CCDC191: variants seen among roughly 807,000 people sequenced by gnomAD.
CCDC191 encodes coiled-coil domain-containing protein 191.
CCDC191 carries 99 observed loss-of-function variants against 114.0 expected under a neutral mutation model. The observed-to-expected ratio is 0.87, with a 90% CI of 0.74 to 1.03. CCDC191 has a LOEUF of 1.03. CCDC191 is among the 50% of genes least tolerant of loss of function. CCDC191 has a pLI of 0.00. For missense variants in CCDC191, 973 were observed against 1,087.0 expected (o/e 0.90, Z 1.47); for synonymous variants, 351 against 376.0 (o/e 0.93, Z 0.77).
intron 6 of CCDC191, among the ~76,000 whole-genome samples, chr3:114,033,144 C>T (rs1318767289): frequency 6.6e-6 from 1 of 150,768 alleles, no homozygotes; most frequent in Non-Finnish European, 1.5e-5. Context: ...GTCACTCAGG[C>T]TGGAGTGCAG....
At chr3:114,018,984 A>T (rs1476844053) in intron 7 of CCDC191, 116 bp from the exon 8 acceptor site, 2 of 860,324 alleles carry the variant, frequency 2.3e-6, no homozygotes, top group Admixed American at 4.7e-5. Flanking sequence ...AAATACAGGA[A>T]CTGTTGTCTT....
At chr3:114,010,541 A>G (rs1246763264) in intron 9 of CCDC191, among the ~76,000 whole-genome samples, 1 of 152,206 alleles carries the variant, frequency 6.6e-6, no homozygotes, top group Non-Finnish European at 1.5e-5. Context: ...GTTGTTTTAA[A>G]TGCCCTTTCG....
chr3:113,965,103 C>T lies in CCDC191; in HGVS notation c.*52G>A. 2 of 1,158,998 alleles carry T rather than the reference C, an allele frequency of 1.7e-6. No homozygotes were observed. The highest frequency in any genetic ancestry group is 1.6e-5 in the South Asian group (1 of 61,702). 71.8% of individuals were successfully genotyped at this position (1,158,998 alleles called of 1,614,324 possible). ...TATGTGTGTGGGTGGGTGGAGATAACACACATACAGACTAGTCGAGCTTCC... is the reference window on the plus strand; with the variant it reads ...TATGTGTGTGGGTGGGTGGAGATAATACACATACAGACTAGTCGAGCTTCC... On this transcript the variant is annotated 3_prime_UTR_variant, in exon 17 of 17. Transcript: ENST00000295878.
intron 7 of CCDC191, among the ~76,000 whole-genome samples, chr3:114,026,564 G>T (rs571557754): frequency 2.0e-5 from 3 of 152,298 alleles, no homozygotes; most frequent in East Asian, 3.9e-4. Flanking sequence ...CTATGTGTCA[G>T]CTCAGAAATG....
intron 9 of CCDC191, among the ~76,000 whole-genome samples, chr3:114,009,282 TA>T (rs2076026337): frequency 6.6e-6 from 1 of 152,172 alleles, no homozygotes. Context: ...AATCCTAGCT[TA>T]CTGTAACTTT....
intron 13 of CCDC191, among the ~76,000 whole-genome samples, chr3:113,982,869 A>AC (rs1475763992): frequency 1.3e-5 from 2 of 149,288 alleles, no homozygotes; most frequent in Non-Finnish European, 2.9e-5. Flanking sequence ...AAAAAAAAAA[A>AC]ACCAAAAATA....
At chr3:114,049,414 G>A (rs992341155) in intron 2 of CCDC191, among the ~76,000 whole-genome samples, 15 of 152,128 alleles carry the variant, frequency 9.9e-5, no homozygotes, top group Non-Finnish European at 4.4e-5. Flanking sequence ...TGTAAATAAC[G>A]TACAAATAAA....
Position 114,005,971 on chromosome 3 carries a change from G to C in CCDC191, c.1414-9C>G. 6.2e-7 allele frequency: 1 copy of C among 1,608,226 alleles called. No individual in the cohort carries two copies. Among genetic ancestry groups the C allele is most frequent in the East Asian group, 2.2e-5 (1 of 44,842 alleles). Reference sequence around the variant, plus strand: ...GGGGGCACAGCAGTCTCCTGAGAGAGAGAAACATGTTATAGCTCAACTATT... The same window carrying C: ...GGGGGCACAGCAGTCTCCTGAGAGACAGAAACATGTTATAGCTCAACTATT... On this transcript the variant is annotated splice_polypyrimidine_tract_variant and intron_variant, in intron 9 of 16. Transcript: ENST00000295878.
At chr3:114,041,287 A>G (rs919724071) in intron 4 of CCDC191, among the ~76,000 whole-genome samples, 2 of 152,200 alleles carry the variant, frequency 1.3e-5, no homozygotes, top group Non-Finnish European at 2.9e-5. Context: ...TGTGGTATAA[A>G]AAAATTGTTG....
At chr3:113,994,072 T>C (rs2075650849) in intron 13 of CCDC191, among the ~76,000 whole-genome samples, 1 of 152,210 alleles carries the variant, frequency 6.6e-6, no homozygotes, top group Non-Finnish European at 1.5e-5. Flanking sequence ...TATTAAAATT[T>C]AACACTTTCC....
intron 2 of CCDC191, among the ~76,000 whole-genome samples, chr3:114,049,906 C>T (rs1425683333): frequency 1.3e-5 from 2 of 152,028 alleles, no homozygotes; most frequent in Non-Finnish European, 2.9e-5. Context: ...TCAGCAAGTC[C>T]TGATTGAAGG....
rs1171169704 is a variant in CCDC191 at position 113,978,873 on chromosome 3, G to T, written c.2445C>A (p.Ile815=). Residue 815 remains isoleucine, a synonymous_variant, in exon 15 of 17, where the codon ATC becomes ATA. Transcript: ENST00000295878. The stretch of plus-strand genomic sequence containing the variant: ...ATGTCCTTACCTGTAGCCAGCTCTG[G>T]ATGACTCTCTTAAGCAGTATTTGGG... ...FYSQILLKRV[I]QSWLQYVIDL... 6.2e-7 allele frequency: 1 copy of T among 1,613,946 alleles called. No homozygotes were observed. Among genetic ancestry groups the T allele is most frequent in the Admixed American group, 1.7e-5 (1 of 59,996 alleles).
At chr3:114,023,510 A>G (rs2076273638) in intron 7 of CCDC191, among the ~76,000 whole-genome samples, 1 of 152,222 alleles carries the variant, frequency 6.6e-6, no homozygotes, top group African/African-American at 2.4e-5. Flanking sequence ...AAACAGAGAT[A>G]TAGACCAATG....
In CCDC191 at chr3:113,992,205, C is replaced by G. The variant is rs374965336; in HGVS notation, c.2163+9390G>C. ...TCACTTTATCTAGGTCACCCCTCCCCCAAGGCAGCATAGTTCAATGCCAAG... is the reference window on the plus strand; with the variant it reads ...TCACTTTATCTAGGTCACCCCTCCCGCAAGGCAGCATAGTTCAATGCCAAG... On this transcript the variant is annotated intron_variant, in intron 13 of 16. Transcript: ENST00000295878. 2.4e-4 allele frequency among the ~76,000 whole-genome samples: 36 copies of G among 152,258 alleles called. 2 individuals carry two copies. The South Asian group carries it at 7.3e-3, about 31-fold the overall frequency.
At chr3:113,999,367 AAGGGAGTT>A (rs1163486673) in intron 13 of CCDC191, among the ~76,000 whole-genome samples, 9 of 152,112 alleles carry the variant, frequency 5.9e-5, no homozygotes, top group Non-Finnish European at 1.3e-4. Context: ...GATGGCAAAG[AAGGGAGTT>A]ATGAGGCTAG....
intron 16 of CCDC191, among the ~76,000 whole-genome samples, chr3:113,966,595 A>G (rs909670421): frequency 6.6e-6 from 1 of 152,216 alleles, no homozygotes; most frequent in African/African-American, 2.4e-5. Flanking sequence ...CGAGAATAGC[A>G]TGCCGTGGTG....
chr3:114,030,084 AT>A (rs2076383163), intron 7 of CCDC191, among the ~76,000 whole-genome samples: 1 of 152,202 alleles, frequency 6.6e-6, no homozygotes, highest in African/African-American at 2.4e-5. Flanking sequence ...TAATTATACT[AT>A]GCTTATGTAA....
intron 15 of CCDC191, 113 bp downstream of exon 15, chr3:113,978,745 T>C (rs2075028463): frequency 3.5e-6 from 4 of 1,141,742 alleles, no homozygotes; most frequent in Non-Finnish European, 5.0e-6. Context: ...GATTGACTAC[T>C]CTTTTGTTCT....
chr3:114,024,723 A>G (rs928259680), intron 7 of CCDC191, among the ~76,000 whole-genome samples: 1 of 152,198 alleles, frequency 6.6e-6, no homozygotes, highest in African/African-American at 2.4e-5. Flanking sequence ...GGGAGGAGGG[A>G]TAGCATTAGG....
Sources: gnomAD v4.1 joint callset for allele counts (sites outside exome capture counted in the v4.1 genomes callset) on GRCh38, gnomAD v4.1.1 for gene constraint, MANE v1.5 for transcripts, NCBI Gene and HGNC (gene_info 2026-07-23, HGNC 2026-07-21) for gene names.